Variants in RARB observed in about 807,000 individuals in gnomAD.
The protein encoded by RARB is HBV-activated protein.
RARB carries 17 observed loss-of-function variants against 51.9 expected under a neutral mutation model. The observed-to-expected ratio is 0.33, with a 90% CI of 0.22 to 0.49. RARB has a LOEUF of 0.49. RARB is among the 20% of genes least tolerant of loss of function. RARB has a pLI of 0.99. For missense variants in RARB, 369 were observed against 550.8 expected (o/e 0.67, Z 3.30); for synonymous variants, 215 against 195.4 (o/e 1.10, Z -0.84).
Position 24,844,217 on chromosome 3 carries a change from A to G in RARB, c.-458-14457A>G, listed in dbSNP as rs1278559753. Among the ~76,000 whole-genome samples, 3 of 152,222 alleles carry G rather than the reference A, an allele frequency of 2.0e-5. No individual in the cohort carries two copies. The East Asian group carries it at 5.8e-4, about 29-fold the overall frequency. On this transcript the variant is annotated intron_variant, in intron 1 of 11. Coordinates refer to the RARB transcript ENST00000383772. The stretch of plus-strand genomic sequence containing the variant: ...GGGTTTGCTCTCTGCCATTCTTGCC[A>G]GGAGATCTGCTGAGGTTCTGAAAGC...
At chr3:25,006,256 C>G (rs1395885423) in intron 2 of RARB, among the ~76,000 whole-genome samples, 1 of 152,020 alleles carries the variant, frequency 6.6e-6, no homozygotes, top group African/African-American at 2.4e-5. Flanking sequence ...TAAACTCAAC[C>G]AAGCTTTATA....
At chr3:24,962,709 G>A (rs1229201789) in intron 2 of RARB, among the ~76,000 whole-genome samples, 4 of 152,150 alleles carry the variant, frequency 2.6e-5, no homozygotes, top group African/African-American at 9.7e-5. Flanking sequence ...TCTAACTAAT[G>A]CCTGATGATC....
At chr3:25,052,541 C>A (rs1698352653) in intron 2 of RARB, among the ~76,000 whole-genome samples, 1 of 151,934 alleles carries the variant, frequency 6.6e-6, no homozygotes, top group African/African-American at 2.4e-5. Flanking sequence ...TGTTTTATGA[C>A]AAATGTACAA....
chr3:24,916,898 G>C (rs980765325), intron 2 of RARB, among the ~76,000 whole-genome samples: 2 of 151,980 alleles, frequency 1.3e-5, no homozygotes, highest in African/African-American at 2.4e-5. Flanking sequence ...ATGAAACTTA[G>C]GAAAAACATG....
intron 5 of RARB, among the ~76,000 whole-genome samples, chr3:25,249,484 G>T: frequency 6.6e-6 from 1 of 152,122 alleles, no homozygotes; most frequent in Middle Eastern, 3.4e-3. Context: ...ATCCTTTGGA[G>T]GTTTCATATA....
intron 5 of RARB, among the ~76,000 whole-genome samples, chr3:25,208,102 G>A (rs569287121): frequency 6.6e-6 from 1 of 152,134 alleles, no homozygotes; most frequent in South Asian, 2.1e-4. Context: ...TGCAAGGACA[G>A]TGCCGAGGGG....
intron 4 of RARB, among the ~76,000 whole-genome samples, chr3:25,139,088 T>C (rs1700073438): frequency 6.6e-6 from 1 of 152,190 alleles, no homozygotes; most frequent in Admixed American, 6.6e-5. Context: ...GTGTGTGTTC[T>C]GACTGCTCAA....
At chr3:24,876,682 T>C (rs1324984502) in intron 2 of RARB, among the ~76,000 whole-genome samples, 10 of 152,158 alleles carry the variant, frequency 6.6e-5, no homozygotes, top group Admixed American at 6.5e-4. Context: ...ATTTTATAAA[T>C]GTGTCTTCAA....
chr3:25,568,368 A>T (rs1700578633), intron 3 of RARB, among the ~76,000 whole-genome samples: 1 of 152,176 alleles, frequency 6.6e-6, no homozygotes, highest in Non-Finnish European at 1.5e-5. Flanking sequence ...TGATAAAAGG[A>T]TCAAGTGAGA....
At chr3:25,232,972 TC>T (rs1379330134) in intron 5 of RARB, among the ~76,000 whole-genome samples, 1 of 143,628 alleles carries the variant, frequency 7.0e-6, no homozygotes, top group East Asian at 2.0e-4. Context: ...TTTTTCTTTT[TC>T]TTTTTTTTTT....
intron 5 of RARB, among the ~76,000 whole-genome samples, chr3:25,311,881 C>A (rs772049071): frequency 3.3e-5 from 5 of 152,144 alleles, no homozygotes; most frequent in Non-Finnish European, 7.3e-5. Context: ...AGCTCTGCCT[C>A]CTGGTTGACC....
intron 5 of RARB, among the ~76,000 whole-genome samples, chr3:25,402,094 A>G (rs1439554741): frequency 1.3e-5 from 2 of 152,256 alleles, no homozygotes; most frequent in South Asian, 2.1e-4. Context: ...TTCAACATAT[A>G]TATTTTGATT....
intron 2 of RARB, among the ~76,000 whole-genome samples, chr3:25,027,643 C>T (rs981686400): frequency 6.6e-6 from 1 of 152,000 alleles, no homozygotes; most frequent in African/African-American, 2.4e-5. Flanking sequence ...TCTGTTGACA[C>T]TAATATATAG....
chr3:24,892,084 C>T (rs1559385134), intron 2 of RARB, among the ~76,000 whole-genome samples: 1 of 152,038 alleles, frequency 6.6e-6, no homozygotes, highest in Non-Finnish European at 1.5e-5. Context: ...TGGGTTAAGC[C>T]ATCCCTGCAT....
chr3:25,189,744 G>A (rs989869655), intron 5 of RARB, among the ~76,000 whole-genome samples: 4 of 152,052 alleles, frequency 2.6e-5, no homozygotes, highest in Admixed American at 2.6e-4. Flanking sequence ...AAATTAGCCG[G>A]CATGGTGGTG....
chr3:25,351,152 C>A (rs992217807), intron 5 of RARB, among the ~76,000 whole-genome samples: 1 of 152,080 alleles, frequency 6.6e-6, no homozygotes, highest in African/African-American at 2.4e-5. Flanking sequence ...TGAGCATTAG[C>A]TATTCATGCC....
intron 1 of RARB, among the ~76,000 whole-genome samples, chr3:25,447,116 T>C (rs551504389): frequency 6.6e-6 from 1 of 152,298 alleles, no homozygotes; most frequent in African/African-American, 2.4e-5. Flanking sequence ...CCTCAAGTTG[T>C]CCCCCGCCAT....
chr3:25,127,855 C>T (rs1041837498), intron 3 of RARB, among the ~76,000 whole-genome samples: 7 of 152,066 alleles, frequency 4.6e-5, no homozygotes, highest in East Asian at 3.9e-4. Context: ...TATATTTTTA[C>T]GAAGAGTAGT....
At chr3:25,202,336 T>C (rs917544760) in intron 5 of RARB, among the ~76,000 whole-genome samples, 1 of 152,202 alleles carries the variant, frequency 6.6e-6, no homozygotes, top group Non-Finnish European at 1.5e-5. Flanking sequence ...TTCTTCTTTA[T>C]TAGTCTTCTT....
Sources: gnomAD v4.1 joint callset for allele counts (sites outside exome capture counted in the v4.1 genomes callset) on GRCh38, gnomAD v4.1.1 for gene constraint, MANE v1.5 for transcripts, NCBI Gene and HGNC (gene_info 2026-07-23, HGNC 2026-07-21) for gene names.